The following ARHGEF9 variants were observed in gnomAD, a reference collection of about 807,000 sequenced individuals.
The protein encoded by ARHGEF9 is rho guanine nucleotide exchange factor 9.
ARHGEF9 carries 2 observed loss-of-function variants against 41.3 expected under a neutral mutation model. The observed-to-expected ratio is 0.05, with a 90% CI of 0.02 to 0.15. ARHGEF9 has a LOEUF of 0.15. Ranked by LOEUF, ARHGEF9 falls within the 10% of genes least tolerant of loss-of-function variation. The probability of loss-of-function intolerance (pLI) is 1.00; values close to 1 mark genes in which losing one functional copy is unlikely to be tolerated. For missense variants in ARHGEF9, 225 were observed against 424.7 expected (o/e 0.53, Z 4.13); for synonymous variants, 160 against 154.4 (o/e 1.04, Z -0.27).
chrX:63,746,506 C>G (rs782186869), intron 1 of ARHGEF9, among the ~76,000 whole-genome samples: 1 of 111,603 alleles, frequency 9.0e-6, no homozygotes, highest in South Asian at 3.8e-4. Context: ...ATCAAGACGC[C>G]TAGGTTCTAG....
At chrX:63,680,917 C>CCTT in intron 4 of ARHGEF9, among the ~76,000 whole-genome samples, 1 of 111,432 alleles carries the variant, frequency 9.0e-6, no homozygotes, top group Non-Finnish European at 1.9e-5. Context: ...GAGCCATGTC[C>CCTT]CTTCTTCTTC....
At chrX:63,743,532 G>A (rs2055088262) in intron 1 of ARHGEF9, 2 of 112,846 alleles carry the variant, frequency 1.8e-5, no homozygotes, top group South Asian at 7.2e-4. Context: ...CCCCAGATCA[G>A]TGAGATGTTT....
chrX:63,753,042 A>G (rs2055748405), intron 1 of ARHGEF9, among the ~76,000 whole-genome samples: 1 of 112,739 alleles, frequency 8.9e-6, no homozygotes, highest in Non-Finnish European at 1.9e-5. Context: ...TCAAAACGCA[A>G]AAAAACAAGT....
chrX:63,774,030 A>G (rs1220818000), intron 1 of ARHGEF9, among the ~76,000 whole-genome samples: 16 of 104,400 alleles, frequency 1.5e-4, no homozygotes, highest in African/African-American at 5.3e-4. Context: ...CATAATCATG[A>G]GCAAATCCAT....
intron 1 of ARHGEF9, among the ~76,000 whole-genome samples, chrX:63,758,057 T>G (rs2055966254): frequency 9.0e-6 from 1 of 111,427 alleles, no homozygotes; most frequent in Admixed American, 9.5e-5. Flanking sequence ...TGGGGTTTTT[T>G]TGTGTGTGTT....
At chrX:63,732,825 A>G (rs2054390324) in intron 1 of ARHGEF9, among the ~76,000 whole-genome samples, 1 of 111,748 alleles carries the variant, frequency 8.9e-6, no homozygotes, top group Non-Finnish European at 1.9e-5. Flanking sequence ...ATAATGATCA[A>G]TCCTACTTCT....
intron 1 of ARHGEF9, among the ~76,000 whole-genome samples, chrX:63,731,033 A>G (rs1423040977): frequency 1.8e-5 from 2 of 112,211 alleles, no homozygotes; most frequent in Non-Finnish European, 3.8e-5. Context: ...TTTTAATAAG[A>G]AGCAGCAGAA....
chrX:63,698,125 AAATT>A (rs1556390967), intron 3 of ARHGEF9, among the ~76,000 whole-genome samples: 2 of 106,218 alleles, frequency 1.9e-5, no homozygotes, highest in African/African-American at 6.8e-5. Flanking sequence ...ATATATATAT[AAATT>A]TATAAATATA....
At chrX:63,685,934 C>T (rs782640147) in intron 4 of ARHGEF9, among the ~76,000 whole-genome samples, 5 of 111,334 alleles carry the variant, frequency 4.5e-5, no homozygotes, top group Non-Finnish European at 9.5e-5. Context: ...TAAAATAAAG[C>T]GATAAACTGG....
At chrX:63,720,215 A>G (rs1461366853) in intron 2 of ARHGEF9, among the ~76,000 whole-genome samples, 1 of 112,060 alleles carries the variant, frequency 8.9e-6, no homozygotes, top group Non-Finnish European at 1.9e-5. Context: ...AAAAACCAGG[A>G]AAGTAGTATT....
At chrX:63,717,642 G>T (rs1338397203) in intron 2 of ARHGEF9, among the ~76,000 whole-genome samples, 2 of 111,970 alleles carry the variant, frequency 1.8e-5, no homozygotes, top group Non-Finnish European at 3.8e-5. Context: ...TTTGAGAGAG[G>T]AGCAGGGAAA....
chrX:63,757,194 G>A (rs1556447781), intron 1 of ARHGEF9, among the ~76,000 whole-genome samples: 1 of 110,904 alleles, frequency 9.0e-6, no homozygotes, highest in Admixed American at 9.6e-5. Context: ...GCACTGAATG[G>A]GCTCATCTAC....
At chrX:63,719,624 A>G (rs1376101538) in intron 2 of ARHGEF9, 4 of 295,573 alleles carry the variant, frequency 1.4e-5, no homozygotes, top group Non-Finnish European at 1.8e-5. Context: ...AGAAAAGGGC[A>G]GCAAAAATTT....
chrX:63,666,153 G>A, intron 6 of ARHGEF9, 136 bp from the exon 7 acceptor site: 1 of 781,880 alleles, frequency 1.3e-6, no homozygotes, highest in South Asian at 2.4e-5. Flanking sequence ...GAGGGAGAGA[G>A]GGACTCCTGG....
At chrX:63,650,227 C>G (rs2048454747) in intron 8 of ARHGEF9, among the ~76,000 whole-genome samples, 1 of 111,227 alleles carries the variant, frequency 9.0e-6, no homozygotes, top group Admixed American at 9.6e-5. Flanking sequence ...TATCTATGCT[C>G]TCATGTTTAT....
chrX:63,784,324 G>A (rs1440994432), intron 1 of ARHGEF9, among the ~76,000 whole-genome samples: 2 of 112,647 alleles, frequency 1.8e-5, no homozygotes, highest in African/African-American at 6.4e-5. Flanking sequence ...CTCTGCAAAA[G>A]GAAGTCATTC....
At chrX:63,685,764 A>T in intron 4 of ARHGEF9, among the ~76,000 whole-genome samples, 2 of 112,015 alleles carry the variant, frequency 1.8e-5, no homozygotes, top group South Asian at 7.4e-4. Flanking sequence ...ATTAACCTTG[A>T]TCTGTATTTT....
In ARHGEF9 at chrX:63,635,529, C is replaced by T. The variant is rs2047276530; in HGVS notation, c.*2499G>A. On this transcript the variant is annotated 3_prime_UTR_variant, in exon 10 of 10. Coordinates refer to ENST00000671741, the MANE Select transcript of ARHGEF9 (RefSeq NM_001353921.2). ...ATTGGGCTCCCCTTGGGGCTGTTGG[C>T]CACTGGTCTGCTTTGATGCTATAGG... 3 of 483,998 alleles carry T rather than the reference C, an allele frequency of 6.2e-6. No homozygotes were observed. The highest frequency in any genetic ancestry group is 1.1e-5 in the Non-Finnish European group (3 of 272,271). The allele number at this position is 483,998 out of a possible 1,213,427, so 39.9% of individuals were successfully genotyped here.
chrX:63,695,907 T>C (rs2051714092), intron 4 of ARHGEF9, among the ~76,000 whole-genome samples: 2 of 111,883 alleles, frequency 1.8e-5, no homozygotes, highest in South Asian at 7.5e-4. Flanking sequence ...CAACATTTTA[T>C]ATGTGTTGTC....
Sources: allele counts gnomAD v4.1 joint callset (sites outside exome capture counted in the v4.1 genomes callset), GRCh38; gene constraint gnomAD v4.1.1; transcripts MANE v1.5; gene names NCBI Gene and HGNC (gene_info 2026-07-23, HGNC 2026-07-21).